CNTLN: variants seen among roughly 807,000 people sequenced by gnomAD.
CNTLN encodes the protein centlein, centrosomal protein.
CNTLN carries 212 observed loss-of-function variants against 180.0 expected under a neutral mutation model. The ratio of observed to expected loss-of-function variants is 1.18; its 90% CI spans 1.05 to 1.32. The LOEUF (loss-of-function observed/expected upper bound fraction) is 1.32, where lower values mean the gene tolerates loss of function less well. CNTLN is among the 40% of genes most tolerant of loss of function. The pLI is 0.00. For missense variants in CNTLN, 2,095 were observed against 1,610.9 expected, an observed-to-expected ratio of 1.30 and a Z score of -5.14; for synonymous variants, 722 against 563.1, an observed-to-expected ratio of 1.28 and a Z score of -3.99.
intron 25 of CNTLN, among the ~76,000 whole-genome samples, chr9:17,495,981 C>G (rs1833432968): frequency 6.6e-6 from 1 of 152,184 alleles, no homozygotes; most frequent in Non-Finnish European, 1.5e-5. Context: ...AGGTGTGTAA[C>G]AGGCTATATC....
chr9:17,294,859 GAGGA>G (rs1817729022), intron 6 of CNTLN, among the ~76,000 whole-genome samples: 1 of 52,126 alleles, frequency 1.9e-5, no homozygotes, highest in African/African-American at 8.5e-5. Context: ...GGGGAGGAGG[GAGGA>G]GGGCGGAGGG....
At chr9:17,350,892 A>C (rs1187450908) in intron 12 of CNTLN, among the ~76,000 whole-genome samples, 1 of 152,228 alleles carries the variant, frequency 6.6e-6, no homozygotes, top group Non-Finnish European at 1.5e-5. Context: ...GCTGACCAAC[A>C]TATGTCATAT....
intron 18 of CNTLN, among the ~76,000 whole-genome samples, chr9:17,418,622 T>C (rs978268185): frequency 6.6e-6 from 1 of 151,800 alleles, no homozygotes; most frequent in African/African-American, 2.4e-5. Context: ...AGAATTCCTA[T>C]ATGCTCGGTA....
chr9:17,267,552 G>T (rs560478360), intron 5 of CNTLN, among the ~76,000 whole-genome samples: 1 of 151,758 alleles, frequency 6.6e-6, no homozygotes, highest in South Asian at 2.1e-4. Flanking sequence ...TCTTTGTGGC[G>T]TTCTCTGTGT....
At chr9:17,238,281 T>C (rs1825276553) in intron 5 of CNTLN, among the ~76,000 whole-genome samples, 1 of 152,210 alleles carries the variant, frequency 6.6e-6, no homozygotes, top group Non-Finnish European at 1.5e-5. Flanking sequence ...CTCAAATGTT[T>C]AAAGGTTTTA....
intron 8 of CNTLN, among the ~76,000 whole-genome samples, chr9:17,324,181 T>G (rs971104766): frequency 6.6e-6 from 1 of 152,288 alleles, no homozygotes; most frequent in Non-Finnish European, 1.5e-5. Context: ...ACTTAGAGTA[T>G]GTATTATAGT....
At chr9:17,268,306 G>T (rs1200213855) in intron 5 of CNTLN, among the ~76,000 whole-genome samples, 1 of 152,192 alleles carries the variant, frequency 6.6e-6, no homozygotes, top group Non-Finnish European at 1.5e-5. Flanking sequence ...GTCCACTCCA[G>T]ACCCTGTTTG....
At chr9:17,515,030 A>G in the CNTLN span, among the ~76,000 whole-genome samples, 1 of 152,146 alleles carries the variant, frequency 6.6e-6, no homozygotes, top group Admixed American at 6.5e-5. Context: ...AGATGTTTTT[A>G]TGTTTATTCC....
At chr9:17,364,592 C>G (rs1466439971) in intron 12 of CNTLN, among the ~76,000 whole-genome samples, 2 of 152,096 alleles carry the variant, frequency 1.3e-5, no homozygotes, top group South Asian at 2.1e-4. Context: ...ATTCTCTTAT[C>G]TCTATTTTAT....
At chr9:17,468,543 T>A (rs182368183) in intron 23 of CNTLN, among the ~76,000 whole-genome samples, 1 of 151,734 alleles carries the variant, frequency 6.6e-6, no homozygotes, top group African/African-American at 2.4e-5. Context: ...ATATGAAATA[T>A]ATAATTATGA....
intron 1 of CNTLN, 55 bp downstream of exon 1, chr9:17,135,480 T>C (rs1006777808): frequency 4.5e-5 from 69 of 1,532,156 alleles, no homozygotes; most frequent in Non-Finnish European, 1.0e-5. Context: ...CCGGGACCCG[T>C]GGGGAGGCGC....
At chr9:17,251,909 G>A (rs753620975) in intron 5 of CNTLN, among the ~76,000 whole-genome samples, 8 of 151,532 alleles carry the variant, frequency 5.3e-5, no homozygotes, top group Non-Finnish European at 7.4e-5. Flanking sequence ...TCCCTTCCTA[G>A]TATATGGTAT....
intron 15 of CNTLN, among the ~76,000 whole-genome samples, chr9:17,400,600 T>C (rs1826896824): frequency 6.6e-6 from 1 of 152,220 alleles, no homozygotes; most frequent in Admixed American, 6.5e-5. Context: ...ATAGGCATAA[T>C]GATAGGATCA....
At chr9:17,336,204 C>G (rs1482599694) in intron 10 of CNTLN, among the ~76,000 whole-genome samples, 2 of 152,048 alleles carry the variant, frequency 1.3e-5, no homozygotes, top group Admixed American at 6.5e-5. Flanking sequence ...TACTATTTGT[C>G]AAAGTTTGGA....
chr9:17,306,565 G>C (rs1440672187), intron 7 of CNTLN, among the ~76,000 whole-genome samples: 1 of 152,186 alleles, frequency 6.6e-6, no homozygotes, highest in Non-Finnish European at 1.5e-5. Flanking sequence ...AAGGTCCCAA[G>C]ATGTGACACC....
chr9:17,164,275 G>A (rs113143464), intron 2 of CNTLN, among the ~76,000 whole-genome samples: 2,658 of 137,134 alleles, frequency 0.019, 35 homozygotes, highest in Non-Finnish European at 0.031. Flanking sequence ...TTGCCTGACT[G>A]CACTCCAGCC....
At chr9:17,473,941 G>A (rs1731091037) in intron 23 of CNTLN, among the ~76,000 whole-genome samples, 1 of 152,062 alleles carries the variant, frequency 6.6e-6, no homozygotes, top group Non-Finnish European at 1.5e-5. Flanking sequence ...TCCTTATGAT[G>A]TACTACACTG....
intron 6 of CNTLN, among the ~76,000 whole-genome samples, chr9:17,277,985 C>T (rs1165635921): frequency 2.0e-5 from 3 of 152,126 alleles, no homozygotes; most frequent in Non-Finnish European, 4.4e-5. Context: ...ACCATTACCA[C>T]CCTTAGCCAG....
intron 2 of CNTLN, among the ~76,000 whole-genome samples, chr9:17,165,178 A>G (rs1415228532): frequency 2.0e-5 from 3 of 152,106 alleles, no homozygotes; most frequent in Non-Finnish European, 4.4e-5. Flanking sequence ...TAAAATAATT[A>G]ATTTCAACCT....
Sources: allele counts gnomAD v4.1 joint callset (sites outside exome capture counted in the v4.1 genomes callset), GRCh38; gene constraint gnomAD v4.1.1; transcripts MANE v1.5; gene names NCBI Gene and HGNC (gene_info 2026-07-23, HGNC 2026-07-21).